The following FSTL4 variants were observed in gnomAD, a reference collection of about 807,000 sequenced individuals.
The protein encoded by FSTL4 is follistatin like 4, also known as follistatin-related protein 4.
In FSTL4, 28 loss-of-function variants were observed where a neutral mutation model predicts 78.2. That is an observed-to-expected ratio of 0.36 (90% CI 0.27 to 0.49). FSTL4 has a LOEUF of 0.49. Ranked by LOEUF, FSTL4 falls within the 20% of genes least tolerant of loss-of-function variation. FSTL4 has a pLI of 0.98. For synonymous variants in FSTL4, 422 were observed against 440.5 expected (o/e 0.96, Z 0.53); for missense variants, 922 against 1,084.9 (o/e 0.85, Z 2.11).
At chr5:133,830,150 C>A in the FSTL4 span, among the ~76,000 whole-genome samples, 1 of 152,200 alleles carries the variant, frequency 6.6e-6, no homozygotes, top group African/African-American at 2.4e-5. Context: ...ATAGTCATAG[C>A]CCTGACCCAG....
chr5:133,400,886 G>C lies in FSTL4; in HGVS notation c.261C>G (p.Cys87Trp). ...VLSRKTGEPE[C>W]QCLEACRPSY... ...TGGGCCTGCATGCCTCCAGGCACTG[G>C]CATTCGGGCTCCCCTGTCTTCCTGC... Residue 87 changes from cysteine (C) to tryptophan (W), a missense_variant, in exon 4 of 16, where the codon TGC becomes TGG. Physicochemically the swap from Cys to Trp is radical, Grantham distance 215 (BLOSUM62 -2). Transcript: ENST00000265342. The C allele has an allele frequency of 6.2e-7, 1 of 1,613,848 alleles. No homozygotes were observed. Among genetic ancestry groups the C allele is most frequent in the Non-Finnish European group, 8.5e-7 (1 of 1,180,026 alleles).
intron 3 of FSTL4, among the ~76,000 whole-genome samples, chr5:133,496,836 G>A (rs10058005): frequency 0.021 from 3,208 of 152,118 alleles, 119 homozygotes; most frequent in African/African-American, 0.074. Flanking sequence ...CCACTGTCCC[G>A]CCCTCTCCCA....
At chr5:133,663,877 C>A in the FSTL4 span, among the ~76,000 whole-genome samples, 4 of 152,184 alleles carry the variant, frequency 2.6e-5, no homozygotes, top group Non-Finnish European at 5.9e-5. Flanking sequence ...GGTCTGGAAG[C>A]CTCTCTAGGG....
At chr5:133,425,108 T>C (rs1561712238) in intron 3 of FSTL4, among the ~76,000 whole-genome samples, 1 of 152,238 alleles carries the variant, frequency 6.6e-6, no homozygotes, top group Non-Finnish European at 1.5e-5. Context: ...TGCACATTTA[T>C]TATGTTCCAG....
the FSTL4 span, among the ~76,000 whole-genome samples, chr5:133,769,769 G>A: frequency 6.6e-6 from 1 of 152,120 alleles, no homozygotes; most frequent in Non-Finnish European, 1.5e-5. Flanking sequence ...ATTGCATAGT[G>A]GTGACACCTG....
chr5:133,661,696 T>C, the FSTL4 span, among the ~76,000 whole-genome samples: 4 of 152,252 alleles, frequency 2.6e-5, no homozygotes, highest in Non-Finnish European at 5.9e-5. Context: ...CCAATGGATG[T>C]ATAATACCCA....
intron 2 of FSTL4, among the ~76,000 whole-genome samples, chr5:133,597,305 G>A (rs1760757487): frequency 6.6e-6 from 1 of 152,074 alleles, no homozygotes; most frequent in African/African-American, 2.4e-5. Context: ...CCATCCAAAT[G>A]GGAAGCAAAA....
At chr5:133,568,485 G>T (rs1760078145) in intron 2 of FSTL4, among the ~76,000 whole-genome samples, 1 of 152,148 alleles carries the variant, frequency 6.6e-6, no homozygotes, top group African/African-American at 2.4e-5. Context: ...CACTGGGAAG[G>T]TTGTCCTACC....
chr5:133,395,964 G>A (rs1220091814), intron 4 of FSTL4, among the ~76,000 whole-genome samples: 1 of 152,188 alleles, frequency 6.6e-6, no homozygotes, highest in Non-Finnish European at 1.5e-5. Flanking sequence ...TAACCTGCTA[G>A]ATGAACTTGG....
chr5:133,396,171 C>CTTG (rs1264065656), intron 4 of FSTL4, among the ~76,000 whole-genome samples: 20 of 152,200 alleles, frequency 1.3e-4, no homozygotes, highest in Non-Finnish European at 1.5e-5. Flanking sequence ...GGTCTTACAG[C>CTTG]TTGTTGCATC....
the FSTL4 span, among the ~76,000 whole-genome samples, chr5:133,672,133 GTGAGGTTAAAGT>G: frequency 6.6e-6 from 1 of 152,196 alleles, no homozygotes; most frequent in Admixed American, 6.5e-5. Context: ...CAGGCACTTG[GTGAGGTTAAAGT>G]TGAGGAGAGA....
At chr5:133,241,829 G>A (rs1489289341) in intron 7 of FSTL4, among the ~76,000 whole-genome samples, 1 of 152,134 alleles carries the variant, frequency 6.6e-6, no homozygotes, top group Non-Finnish European at 1.5e-5. Context: ...CCTTACCAAG[G>A]GTTTCAGCTC....
chr5:133,712,856 C>A, the FSTL4 span, among the ~76,000 whole-genome samples: 1 of 152,182 alleles, frequency 6.6e-6, no homozygotes, highest in Non-Finnish European at 1.5e-5. Flanking sequence ...TGAATGGCCG[C>A]CCAGCTCAGC....
chr5:133,311,162 A>G (rs1346707289), intron 6 of FSTL4, among the ~76,000 whole-genome samples: 1 of 152,230 alleles, frequency 6.6e-6, no homozygotes, highest in Non-Finnish European at 1.5e-5. Flanking sequence ...AAATTTAACA[A>G]TGAGCTCTCA....
chr5:133,595,933 G>A (rs185726052), intron 2 of FSTL4, among the ~76,000 whole-genome samples: 6 of 152,318 alleles, frequency 3.9e-5, no homozygotes, highest in Admixed American at 2.0e-4. Flanking sequence ...AGGCAGGGCC[G>A]GGGATGCCTT....
intron 3 of FSTL4, among the ~76,000 whole-genome samples, chr5:133,556,239 CA>C (rs1419734311): frequency 6.6e-6 from 1 of 152,186 alleles, no homozygotes; most frequent in Non-Finnish European, 1.5e-5. Flanking sequence ...CTACAGAGTA[CA>C]AAAGGTCCTC....
chr5:133,466,004 G>T (rs990976975), intron 3 of FSTL4, among the ~76,000 whole-genome samples: 5 of 152,208 alleles, frequency 3.3e-5, no homozygotes, highest in African/African-American at 1.2e-4. Context: ...TTCCTGCAGT[G>T]GGGCAGGGGG....
chr5:133,693,360 A>G, the FSTL4 span, among the ~76,000 whole-genome samples: 2 of 152,220 alleles, frequency 1.3e-5, no homozygotes, highest in Admixed American at 1.3e-4. Context: ...ACTTTATTAC[A>G]AGAAATTATA....
At chr5:133,732,722 C>G in the FSTL4 span, among the ~76,000 whole-genome samples, 1 of 152,062 alleles carries the variant, frequency 6.6e-6, no homozygotes, top group Non-Finnish European at 1.5e-5. Context: ...TGCTTTTCCA[C>G]AGGTCCAGGC....
Sources: gnomAD v4.1 joint callset for allele counts (sites outside exome capture counted in the v4.1 genomes callset) on GRCh38, gnomAD v4.1.1 for gene constraint, MANE v1.5 for transcripts, NCBI Gene and HGNC (gene_info 2026-07-23, HGNC 2026-07-21) for gene names.